The following DEPDC5 variants were observed in gnomAD, a reference collection of about 807,000 sequenced individuals.
The protein encoded by DEPDC5 is DEP domain containing 5, GATOR1 subcomplex subunit.
A neutral mutation model predicts 217.3 loss-of-function variants in DEPDC5; 73 were observed. The ratio of observed to expected loss-of-function variants is 0.34; its 90% CI spans 0.28 to 0.41. The LOEUF (loss-of-function observed/expected upper bound fraction) is 0.41. Ranked by LOEUF, DEPDC5 falls within the 10% of genes least tolerant of loss-of-function variation. The probability of loss-of-function intolerance (pLI) is 1.00; values close to 1 mark genes in which losing one functional copy is unlikely to be tolerated. For missense variants in DEPDC5, 1,675 were observed against 2,070.1 expected (o/e 0.81, Z 3.70); for synonymous variants, 733 against 756.7 (o/e 0.97, Z 0.51).
intron 36 of DEPDC5, 87 bp from the exon 37 acceptor site, chr22:31,876,070 C>T: frequency 8.6e-7 from 1 of 1,169,406 alleles, no homozygotes; most frequent in South Asian, 1.3e-5. Flanking sequence ...GTGCTCCTGT[C>T]ACTCCCTTGT....
intron 31 of DEPDC5, among the ~76,000 whole-genome samples, chr22:31,852,442 G>A (rs1441755837): frequency 6.7e-6 from 1 of 150,330 alleles, no homozygotes; most frequent in Non-Finnish European, 1.5e-5. Context: ...CTGGGTTCAA[G>A]TGATTCTCCT....
rs2082682972 is a variant in DEPDC5, at chr22:31,764,868, C to G, written c.194-107C>G. On this transcript the variant is annotated intron_variant, in intron 4 of 42. Transcript: ENST00000651528. ...GGAAGAGACTGTGTGTTGCCCGTGT[C>G]AGATGATCAATTGTGTTGCTTACTG... 1.7e-5 allele frequency: 13 copies of G among 770,324 alleles called. No homozygotes were observed. In the East Asian group the frequency reaches 3.0e-4, roughly 18 times the overall value. The allele number at this position is 770,324 out of a possible 1,614,324, so 47.7% of individuals were successfully genotyped here.
In DEPDC5 at chr22:31,907,768, G is replaced by T. The variant is rs989483013; in HGVS notation, c.*1271G>T. 6.6e-6 allele frequency: 1 copy of T among 152,204 alleles called. No homozygotes were observed. Among genetic ancestry groups the T allele is most frequent in the Non-Finnish European group, 1.5e-5 (1 of 68,064 alleles). 9.4% of individuals were successfully genotyped at this position (152,204 alleles called of 1,614,324 possible). ...CCTTAAGCTACTCAGGGCAGTTCAGGAGCTGTGGGTCAGAGGGGAGAATCC... is the reference window on the plus strand; with the variant it reads ...CCTTAAGCTACTCAGGGCAGTTCAGTAGCTGTGGGTCAGAGGGGAGAATCC... On this transcript the variant is annotated 3_prime_UTR_variant, in exon 43 of 43. Coordinates refer to ENST00000651528, the MANE Select transcript of DEPDC5 (RefSeq NM_001242896.3).
rs1222048496 is a variant in DEPDC5, at chr22:31,834,593, T to C, written c.2170+613T>C. Among the ~76,000 whole-genome samples the C allele has an allele frequency of 5.5e-4, 83 of 151,702 alleles. 2 individuals carry two copies. The highest frequency in any genetic ancestry group is 5.9e-5 in the Non-Finnish European group (4 of 67,924). ...GTGCAGTGACGTGATCTCGGCTCAC[T>C]GCCACCTCTGCCTCCCAGGTTCAAG... On this transcript the variant is annotated intron_variant, in intron 25 of 42. Transcript: ENST00000651528.
Position 31,901,768 on chromosome 22 carries a change from C to T in DEPDC5, c.4402C>T (p.Arg1468Ter), listed in dbSNP as rs1016477183. The change falls in exon 41 of 43, where the codon CGA becomes TGA. Residue 1468 changes from arginine to a stop codon, truncating the protein, a stop_gained. Coordinates refer to ENST00000651528, the MANE Select transcript of DEPDC5 (RefSeq NM_001242896.3). LOFTEE classifies it high-confidence loss of function. ...CTTTGAACCCGAAACGTACTGGGATCGAATGCACCTCTTCCAGGAAGCCAT... is the reference window on the plus strand; with the variant it reads ...CTTTGAACCCGAAACGTACTGGGATTGAATGCACCTCTTCCAGGAAGCCAT... The part of the protein sequence containing the change: ...DSFEPETYWD[R>*]MHLFQEAIAH... 1 of 1,613,364 alleles carries T rather than the reference C, an allele frequency of 6.2e-7. No homozygotes were observed. Among genetic ancestry groups the T allele is most frequent in the Non-Finnish European group, 8.5e-7 (1 of 1,179,702 alleles).
chr22:31,841,812 G>A (rs1200960819), intron 27 of DEPDC5, among the ~76,000 whole-genome samples: 3 of 152,148 alleles, frequency 2.0e-5, no homozygotes, highest in Non-Finnish European at 4.4e-5. Flanking sequence ...GGAAAGTTGG[G>A]GTTTTCCTTT....
chr22:31,792,774 A>T lies in DEPDC5; in HGVS notation c.724A>T (p.Ile242Phe), dbSNP rs112040696. ...ATTTCCTGAAATAAACCGAGCCTCAATTCGACAGGATCACAAGGGGAGATT... is the reference window on the plus strand; with the variant it reads ...ATTTCCTGAAATAAACCGAGCCTCATTTCGACAGGATCACAAGGGGAGATT... ...DEFPEINRAS[I>F]RQDHKGRFYE... Residue 242 changes from isoleucine to phenylalanine, a missense_variant, in exon 12 of 43, where the codon ATT becomes TTT. Physicochemically the swap from Ile to Phe is conservative, Grantham distance 21. Transcript: ENST00000651528. The T allele has an allele frequency of 6.4e-7, 1 of 1,554,122 alleles. No individual in the cohort carries two copies. Among genetic ancestry groups the T allele is most frequent in the African/African-American group, 1.4e-5 (1 of 70,454 alleles).
intron 14 of DEPDC5, among the ~76,000 whole-genome samples, chr22:31,799,380 A>C (rs1031232364): frequency 2.0e-5 from 3 of 149,816 alleles, no homozygotes; most frequent in Non-Finnish European, 3.0e-5. Context: ...TCTGGGATAC[A>C]CGTGCAGAAT....
intron 12 of DEPDC5, among the ~76,000 whole-genome samples, chr22:31,794,126 G>C (rs2085984586): frequency 6.6e-6 from 1 of 152,188 alleles, no homozygotes; most frequent in Non-Finnish European, 1.5e-5. Flanking sequence ...CTAGTTCAGA[G>C]TCGATGCTTT....
chr22:31,783,917 G>A lies in DEPDC5; in HGVS notation c.494G>A (p.Arg165His). The A allele has an allele frequency of 6.2e-7, 1 of 1,612,930 alleles. No homozygotes were observed. The highest frequency in any genetic ancestry group is 8.5e-7 in the Non-Finnish European group (1 of 1,179,582). ...YISEDTRVVF[R>H]STSAMVYIFI... ...GTGTTTTTATTTCAGGTGGTGTTTC[G>A]TTCTACGTCGGCTATGGTTTACATA... The change falls in exon 9 of 43, where the codon CGT becomes CAT. Residue 165 changes from arginine (R) to histidine (H), a missense_variant. Transcript: ENST00000651528.
rs774809582 is a variant in DEPDC5, at chr22:31,836,982, G to A, written c.2181G>A (p.Leu727=). 1.2e-6 allele frequency: 2 copies of A among 1,612,734 alleles called. No individual in the cohort carries two copies. The highest frequency in any genetic ancestry group is 4.5e-5 in the East Asian group (2 of 44,778). ...TGTTACGTGAGGCAGTTCTGACACT[G>A]TCTGCTCCCCCTGTAGTGCCAGGCT... ...VSTSPDPILT[L]SAPPVVPGFC... The change falls in exon 26 of 43, where the codon CTG becomes CTA. Residue 727 remains leucine (L), a synonymous_variant. Coordinates refer to ENST00000651528, the MANE Select transcript of DEPDC5 (RefSeq NM_001242896.3).
intron 38 of DEPDC5, among the ~76,000 whole-genome samples, chr22:31,889,400 T>C (rs1324270651): frequency 6.6e-6 from 1 of 152,232 alleles, no homozygotes; most frequent in Non-Finnish European, 1.5e-5. Context: ...CAGGCCAGCA[T>C]GTTCTGAACT....
At chr22:31,813,679 C>CTATATATATA (rs58384211) in intron 20 of DEPDC5, among the ~76,000 whole-genome samples, 1 of 144,504 alleles carries the variant, frequency 6.9e-6, no homozygotes, top group African/African-American at 2.5e-5. Flanking sequence ...TTTAATAAGG[C>CTATATATATA]TATATATATA....
In DEPDC5 at chr22:31,804,786, G is replaced by T. The variant is rs915589282; in HGVS notation, c.1144-56G>T. ...CCTGAAAAACAGAAAAGTTAGAGCA[G>T]TTCCAAAACCTACTTGTTCTGTAGC... On this transcript the variant is annotated intron_variant, in intron 16 of 42. Transcript: ENST00000651528. 17 of 1,563,184 alleles carry T rather than the reference G, an allele frequency of 1.1e-5. No individual in the cohort carries two copies. In the South Asian group the frequency reaches 1.6e-4, roughly 15 times the overall value.
intron 37 of DEPDC5, 138 bp downstream of exon 37, chr22:31,876,403 C>G: frequency 1.5e-6 from 1 of 648,348 alleles, no homozygotes; most frequent in Non-Finnish European, 2.7e-6. Flanking sequence ...CTTCCTTGAG[C>G]CTTTGTACTT....
chr22:31,754,897 C>G lies in DEPDC5; in HGVS notation c.-25C>G. 1 of 1,613,832 alleles carries G rather than the reference C, an allele frequency of 6.2e-7. No individual in the cohort carries two copies. The highest frequency in any genetic ancestry group is 8.5e-7 in the Non-Finnish European group (1 of 1,179,846). ...TGACTTCTCTGCCCCAAGCTTGGAA[C>G]AGCTAAAGGGAAAAACAGTGCAAGA... On this transcript the variant is annotated 5_prime_UTR_variant, in exon 2 of 43. Coordinates refer to ENST00000651528, the MANE Select transcript of DEPDC5 (RefSeq NM_001242896.3).
Position 31,798,666 on chromosome 22 carries a change from G to C in DEPDC5, c.946+10G>C, listed in dbSNP as rs367917127. The C allele has an allele frequency of 1.1e-4, 179 of 1,609,294 alleles. No individual in the cohort carries two copies. The highest frequency in any genetic ancestry group is 1.7e-4 in the Admixed American group (10 of 59,840). ...AATCTGTCATTCAATGGTGAGTAAG[G>C]ATGCCGGCCATGAGCCAGCATCTTG... On this transcript the variant is annotated intron_variant, in intron 14 of 42. Coordinates refer to ENST00000651528, the MANE Select transcript of DEPDC5 (RefSeq NM_001242896.3).
At chr22:31,892,263 G>T (rs2149369437) in intron 38 of DEPDC5, among the ~76,000 whole-genome samples, 1 of 152,282 alleles carries the variant, frequency 6.6e-6, no homozygotes, top group Middle Eastern at 3.4e-3. Flanking sequence ...TAAATGAAGG[G>T]GTTGGATTAC....
intron 7 of DEPDC5, 45 bp downstream of exon 7, chr22:31,768,908 T>A: frequency 6.2e-7 from 1 of 1,607,248 alleles, no homozygotes; most frequent in Non-Finnish European, 8.5e-7. Flanking sequence ...GTAACTGGGC[T>A]ACATAAAGCA....
Sources: allele counts gnomAD v4.1 joint callset (sites outside exome capture counted in the v4.1 genomes callset), GRCh38; gene constraint gnomAD v4.1.1; transcripts MANE v1.5; gene names NCBI Gene and HGNC (gene_info 2026-07-23, HGNC 2026-07-21).